STXBP4: variants seen among roughly 807,000 people sequenced by gnomAD.
STXBP4 encodes syntaxin-binding protein 4.
STXBP4 carries 55 observed loss-of-function variants against 76.1 expected under a neutral mutation model. The observed-to-expected ratio is 0.72, with a 90% CI of 0.58 to 0.91. STXBP4 has a LOEUF of 0.91. Among genes scored for constraint, STXBP4 ranks in the 40% least tolerant of loss-of-function variants. The probability of loss-of-function intolerance (pLI) is 0.00; values close to 1 mark genes in which losing one functional copy is unlikely to be tolerated. For missense variants in STXBP4, 618 were observed against 636.9 expected (o/e 0.97, Z 0.32); for synonymous variants, 201 against 220.2 (o/e 0.91, Z 0.77).
intron 16 of STXBP4, among the ~76,000 whole-genome samples, chr17:55,110,892 G>A (rs1301656355): frequency 6.6e-6 from 1 of 152,218 alleles, no homozygotes; most frequent in Non-Finnish European, 1.5e-5. Context: ...ATGTTCTGGA[G>A]ATTGTTTTTA....
intron 16 of STXBP4, among the ~76,000 whole-genome samples, chr17:55,088,887 G>A (rs1053236822): frequency 1.3e-5 from 2 of 152,146 alleles, no homozygotes; most frequent in African/African-American, 4.8e-5. Context: ...GGCCATCCCA[G>A]CCTCACCAGA....
In STXBP4 at chr17:55,051,690, G is replaced by A. The variant is rs545432965; in HGVS notation, c.1011+4536G>A. Among the ~76,000 whole-genome samples, 5 of 152,216 alleles carry A rather than the reference G, an allele frequency of 3.3e-5. No homozygotes were observed. The South Asian group carries it at 1.0e-3, about 32-fold the overall frequency. ...GGAGGATGGCTTGAGGCCACAGTGT[G>A]CTATTATGGTGCCTGTGACTAGCCA... On this transcript the variant is annotated intron_variant, in intron 12 of 17. Coordinates refer to ENST00000376352, the MANE Select transcript of STXBP4 (RefSeq NM_178509.6).
chr17:55,038,787 A>G (rs1290799114), intron 10 of STXBP4, among the ~76,000 whole-genome samples: 2 of 151,602 alleles, frequency 1.3e-5, no homozygotes, highest in Non-Finnish European at 2.9e-5. Context: ...TTATCTTAAA[A>G]TTATAGAGAG....
intron 16 of STXBP4, among the ~76,000 whole-genome samples, chr17:55,083,638 A>C (rs1567754048): frequency 6.6e-6 from 1 of 152,240 alleles, no homozygotes; most frequent in East Asian, 1.9e-4. Context: ...TTGGGGATGC[A>C]ATATCTGATG....
At chr17:54,974,854 T>A (rs1265689183) in intron 1 of STXBP4, among the ~76,000 whole-genome samples, 2 of 152,206 alleles carry the variant, frequency 1.3e-5, no homozygotes, top group Non-Finnish European at 2.9e-5. Flanking sequence ...CTCATAGTTA[T>A]ACCCGCTTTT....
intron 1 of STXBP4, among the ~76,000 whole-genome samples, chr17:54,979,031 A>G (rs1287794694): frequency 6.6e-6 from 1 of 152,140 alleles, no homozygotes; most frequent in African/African-American, 2.4e-5. Context: ...CTATTCTGTA[A>G]TGATACTTAT....
intron 16 of STXBP4, among the ~76,000 whole-genome samples, chr17:55,099,021 A>G (rs1055239827): frequency 6.6e-6 from 1 of 152,178 alleles, no homozygotes; most frequent in Non-Finnish European, 1.5e-5. Flanking sequence ...TTGAATATAT[A>G]TATTTTAATT....
chr17:55,014,907 G>A (rs2078178095), intron 8 of STXBP4, among the ~76,000 whole-genome samples: 2 of 151,980 alleles, frequency 1.3e-5, no homozygotes, highest in South Asian at 2.1e-4. Context: ...CATGACTAAA[G>A]TGGTGGCCTT....
rs182296933 is a variant in STXBP4, at chr17:55,125,817, T to A, written c.1490-15493T>A. On this transcript the variant is annotated intron_variant, in intron 16 of 17. Coordinates refer to ENST00000376352, the MANE Select transcript of STXBP4 (RefSeq NM_178509.6). ...AGGACACTTAGAGTGGTAAAACTGA[T>A]AACTTGCAGTCTTTCTGGCCTATAG... 3.3e-3 allele frequency among the ~76,000 whole-genome samples: 498 copies of A among 152,266 alleles called. 9 individuals carry two copies. The highest frequency in any genetic ancestry group is 0.03 in the Admixed American group (462 of 15,284).
At chr17:55,110,918 C>A (rs774799586) in intron 16 of STXBP4, among the ~76,000 whole-genome samples, 92 of 152,186 alleles carry the variant, frequency 6.0e-4, no homozygotes, top group Admixed American at 1.0e-3. Flanking sequence ...CAGTAAAGAG[C>A]CAGTGATGGA....
At chr17:55,099,460 G>C (rs1311082519) in intron 16 of STXBP4, among the ~76,000 whole-genome samples, 1 of 152,146 alleles carries the variant, frequency 6.6e-6, no homozygotes, top group Non-Finnish European at 1.5e-5. Context: ...TTGATCCTAG[G>C]CTTCAAGTAT....
chr17:55,081,006 GTTT>G, intron 15 of STXBP4, 41 bp from the exon 16 acceptor site: 1 of 1,363,240 alleles, frequency 7.3e-7, no homozygotes, highest in Non-Finnish European at 9.5e-7. Flanking sequence ...GATAGATGTT[GTTT>G]ATTGTGTAGT....
chr17:55,080,997 A>G, intron 15 of STXBP4, 53 bp from the exon 16 acceptor site: 1 of 1,336,238 alleles, frequency 7.5e-7, no homozygotes, highest in South Asian at 2.4e-5. Flanking sequence ...TTTAGTAAAG[A>G]TAGATGTTGT....
At chr17:55,018,679 A>G (rs2078251737) in intron 8 of STXBP4, among the ~76,000 whole-genome samples, 1 of 152,104 alleles carries the variant, frequency 6.6e-6, no homozygotes, top group East Asian at 1.9e-4. Flanking sequence ...AGGTTTTGGG[A>G]TAGGCGGTGG....
chr17:55,102,203 T>A (rs956078141), intron 16 of STXBP4, among the ~76,000 whole-genome samples: 11 of 152,032 alleles, frequency 7.2e-5, no homozygotes, highest in Admixed American at 3.3e-4. Context: ...GGTATACACA[T>A]GCCATGGTGG....
At position 55,172,098 on chromosome 17, in the gene STXBP4, G is replaced by A. The variant is rs1299265575; in HGVS notation, c.*12187G>A. On this transcript the variant is annotated 3_prime_UTR_variant, in exon 18 of 18. Transcript: ENST00000376352. The stretch of plus-strand genomic sequence containing the variant: ...GCATATCTAAGACTTTTTTCTTGTG[G>A]AGGGAGCTCACTCAACTGTAGGTAA... 1 of 152,194 alleles carries A rather than the reference G, an allele frequency of 6.6e-6. No homozygotes were observed. The highest frequency in any genetic ancestry group is 1.5e-5 in the Non-Finnish European group (1 of 68,064). The allele number at this position is 152,194 out of a possible 1,614,324, so 9.4% of individuals were successfully genotyped here.
intron 10 of STXBP4, among the ~76,000 whole-genome samples, chr17:55,041,816 C>G (rs2144735479): frequency 1.3e-5 from 2 of 152,128 alleles, no homozygotes; most frequent in Middle Eastern, 3.4e-3. Flanking sequence ...TTAATTTTTT[C>G]TAAATCATAT....
intron 16 of STXBP4, among the ~76,000 whole-genome samples, chr17:55,084,382 C>A (rs1293405821): frequency 6.6e-6 from 1 of 152,094 alleles, no homozygotes. Flanking sequence ...TGGATATTAG[C>A]CCTTTGTCAG....
rs529118928 is a variant in STXBP4 at position 55,005,936 on chromosome 17, G to A, written c.575-1570G>A. ...AAGAGAGGAAAAAAATTATATGTAT[G>A]TATATAAAAAAATTATATGTGTATG... On this transcript the variant is annotated intron_variant, in intron 7 of 17. Coordinates refer to ENST00000376352, the MANE Select transcript of STXBP4 (RefSeq NM_178509.6). Among the ~76,000 whole-genome samples the A allele has an allele frequency of 2.9e-4, 44 of 151,916 alleles. 1 individual carries two copies. Among genetic ancestry groups the A allele is most frequent in the Middle Eastern group, 6.8e-3 (2 of 292 alleles).
Sources: gnomAD v4.1 joint callset for allele counts (sites outside exome capture counted in the v4.1 genomes callset) on GRCh38, gnomAD v4.1.1 for gene constraint, MANE v1.5 for transcripts, NCBI Gene and HGNC (gene_info 2026-07-23, HGNC 2026-07-21) for gene names.